The following KIAA0586 variants were observed in gnomAD, a reference collection of about 807,000 sequenced individuals.
KIAA0586 encodes KIAA0586.
In KIAA0586, 144 loss-of-function variants were observed where a neutral mutation model predicts 169.8. The observed-to-expected ratio is 0.85, with a 90% CI of 0.74 to 0.97. KIAA0586 has a LOEUF of 0.97. KIAA0586 is among the 50% of genes least tolerant of loss of function. The pLI, the probability that KIAA0586 is intolerant of heterozygous loss-of-function variation, is 0.00. For synonymous variants in KIAA0586, 625 were observed against 612.4 expected, an observed-to-expected ratio of 1.02 and a Z score of -0.30; for missense variants, 1,854 against 1,823.0, an observed-to-expected ratio of 1.02 and a Z score of -0.31.
intron 4 of KIAA0586, among the ~76,000 whole-genome samples, chr14:58,436,843 G>A (rs1273521708): frequency 6.6e-6 from 1 of 152,206 alleles, no homozygotes; most frequent in Non-Finnish European, 1.5e-5. Context: ...AGCCTTAGAG[G>A]AATGAAGAAT....
intron 10 of KIAA0586, among the ~76,000 whole-genome samples, chr14:58,457,211 C>T (rs1310999860): frequency 6.6e-6 from 1 of 152,198 alleles, no homozygotes; most frequent in Admixed American, 6.5e-5. Flanking sequence ...GGTCGCTGGA[C>T]TGCTTAGCAC....
intron 6 of KIAA0586, among the ~76,000 whole-genome samples, chr14:58,447,776 G>A (rs973208709): frequency 4.6e-5 from 7 of 152,128 alleles, no homozygotes; most frequent in Admixed American, 1.3e-4. Context: ...CCACTGCACC[G>A]GGCCCCATTT....
chr14:58,528,091 T>TA (rs1273250650), intron 29 of KIAA0586, among the ~76,000 whole-genome samples: 2 of 151,656 alleles, frequency 1.3e-5, no homozygotes, highest in Admixed American at 6.6e-5. Flanking sequence ...CCAACAAAGA[T>TA]AAAAAAAGAC....
chr14:58,512,529 T>C lies in KIAA0586; in HGVS notation c.4331T>C (p.Leu1444Pro). The C allele has an allele frequency of 6.6e-7, 1 of 1,516,934 alleles. No individual in the cohort carries two copies. The highest frequency in any genetic ancestry group is 2.5e-5 in the East Asian group (1 of 39,348). 94.0% of individuals were successfully genotyped at this position (1,516,934 alleles called of 1,614,324 possible). Residue 1444 changes from leucine (L) to proline (P), a missense_variant, in exon 29 of 31, where the codon CTA becomes CCA. Physicochemically the swap from Leu to Pro is moderately conservative, Grantham distance 98. Transcript: ENST00000652326. Reference protein sequence around the residue: ...VAAEDFSQYQLKQNQDVKQVE... With the variant: ...VAAEDFSQYQPKQNQDVKQVE... Reference sequence around the variant, plus strand: ...ATATCTTAAATTATTTAGTACCAACTAAAGCAAAATCAGGATGTTAAGCAA... The same window carrying C: ...ATATCTTAAATTATTTAGTACCAACCAAAGCAAAATCAGGATGTTAAGCAA...
intron 6 of KIAA0586, among the ~76,000 whole-genome samples, chr14:58,445,490 G>A (rs1310388871): frequency 6.7e-6 from 1 of 149,948 alleles, no homozygotes; most frequent in Non-Finnish European, 1.5e-5. Context: ...CTGGAGTGCA[G>A]TGGTGTGTTT....
At chr14:58,544,354 G>GACTGATTTATATTCCTCTGGGTA (rs2046852677) in intron 30 of KIAA0586, among the ~76,000 whole-genome samples, 2 of 152,128 alleles carry the variant, frequency 1.3e-5, no homozygotes, top group Admixed American at 6.5e-5. Flanking sequence ...CTTTATGGTA[G>GACTGATTTATATTCCTCTGGGTA]ACTGATTTAT....
chr14:58,503,811 A>C (rs1413132472), intron 27 of KIAA0586, among the ~76,000 whole-genome samples: 1 of 129,320 alleles, frequency 7.7e-6, no homozygotes, highest in African/African-American at 3.3e-5. Flanking sequence ...GGACAAAGGC[A>C]AAAAAAAAAA....
At chr14:58,448,541 T>C in intron 7 of KIAA0586, 48 bp downstream of exon 7, 2 of 1,403,652 alleles carry the variant, frequency 1.4e-6, no homozygotes, top group South Asian at 2.6e-5. Flanking sequence ...GCTGTGAATT[T>C]TCTTTGTGCT....
At chr14:58,434,741 C>A (rs1337322888) in intron 4 of KIAA0586, among the ~76,000 whole-genome samples, 1 of 152,100 alleles carries the variant, frequency 6.6e-6, no homozygotes, top group Non-Finnish European at 1.5e-5. Flanking sequence ...CAGCCACTGT[C>A]CTCTGCACTT....
chr14:58,509,436 G>A (rs1595431573), intron 28 of KIAA0586, among the ~76,000 whole-genome samples: 1 of 152,174 alleles, frequency 6.6e-6, no homozygotes. Flanking sequence ...AATGGCCCAT[G>A]CAATCTTGTG....
intron 27 of KIAA0586, among the ~76,000 whole-genome samples, chr14:58,502,386 C>T (rs987626796): frequency 1.3e-5 from 2 of 152,142 alleles, no homozygotes; most frequent in African/African-American, 2.4e-5. Context: ...GTGATCCACC[C>T]GCCACAGCCT....
In KIAA0586 at chr14:58,486,899, T is replaced by C. The variant is rs1743702; in HGVS notation, c.3145-108T>C. On this transcript the variant is annotated intron_variant, in intron 21 of 30. Transcript: ENST00000652326. ...GTTCAAGAGGTAGGGTACTTAACCC[T>C]GCCATCAATTTAAATTATATATAGT... The C allele has an allele frequency of 0.99, 802,419 of 807,150 alleles. 399,007 individuals carry two copies. Among genetic ancestry groups the C allele is most frequent in the East Asian group, 1 (32,958 of 32,960 alleles). The allele number at this position is 807,150 out of a possible 1,614,324, so 50.0% of individuals were successfully genotyped here. A position where few individuals can be genotyped will look rare whatever the true frequency, so the allele number is the denominator to read the frequency against.
Position 58,492,207 on chromosome 14 carries a change from G to T in KIAA0586, c.3922G>T (p.Ala1308Ser). ...RMSHKKFHAD[A>S]ILSFAKQNQE... is the part of the protein sequence containing the mutation. ...GTCCCATAAAAAATTTCATGCAGAT[G>T]CAATTCTTTCTTTTGCTAAACAAAA... The change falls in exon 26 of 31, where the codon GCA becomes TCA. Residue 1308 changes from alanine to serine, a missense_variant. By Grantham distance (99) the Ala-to-Ser change is moderately conservative. Transcript: ENST00000652326. The T allele has an allele frequency of 6.4e-7, 1 of 1,550,508 alleles. No homozygotes were observed. Among genetic ancestry groups the T allele is most frequent in the Non-Finnish European group, 8.7e-7 (1 of 1,146,288 alleles).
rs117022152 is a variant in KIAA0586 at position 58,430,865 on chromosome 14, C to G, written c.340+148C>G. The G allele has an allele frequency of 1.5e-4, 82 of 563,650 alleles. 1 individual carries two copies. The East Asian group carries it at 2.5e-3, about 17-fold the overall frequency. 34.9% of individuals were successfully genotyped at this position (563,650 alleles called of 1,614,324 possible). Reference sequence around the variant, plus strand: ...CCTTTCATATCCAGAGCTTTGTCATCTCTCCCAACTCTACCCATTAAACAC... The same window carrying G: ...CCTTTCATATCCAGAGCTTTGTCATGTCTCCCAACTCTACCCATTAAACAC... On this transcript the variant is annotated intron_variant, in intron 3 of 30. Coordinates refer to ENST00000652326, the MANE Select transcript of KIAA0586 (RefSeq NM_001329943.3).
At chr14:58,450,549 G>A (rs2039281647) in intron 7 of KIAA0586, 30 bp from the exon 8 acceptor site, 1 of 1,386,750 alleles carries the variant, frequency 7.2e-7, no homozygotes, top group Non-Finnish European at 1.0e-6. Context: ...TTAAAAGCAA[G>A]TTAAGTTTTT....
At chr14:58,540,866 A>G (rs748191413) in intron 30 of KIAA0586, among the ~76,000 whole-genome samples, 1 of 152,222 alleles carries the variant, frequency 6.6e-6, no homozygotes, top group East Asian at 1.9e-4. Flanking sequence ...TTCTTCATCA[A>G]GTCTTTCATT....
At chr14:58,505,800 A>G (rs1272661826) in intron 27 of KIAA0586, among the ~76,000 whole-genome samples, 2 of 151,992 alleles carry the variant, frequency 1.3e-5, no homozygotes, top group Non-Finnish European at 2.9e-5. Flanking sequence ...AGCTGTTTCT[A>G]TAGTTTAGAT....
At chr14:58,525,204 A>C (rs2045493609) in intron 29 of KIAA0586, among the ~76,000 whole-genome samples, 1 of 152,088 alleles carries the variant, frequency 6.6e-6, no homozygotes, top group Non-Finnish European at 1.5e-5. Flanking sequence ...GTTTCAACAA[A>C]ATTGTTTCTC....
intron 14 of KIAA0586, among the ~76,000 whole-genome samples, chr14:58,465,475 AGTTGTAT>A (rs957847990): frequency 1.6e-4 from 24 of 152,164 alleles, no homozygotes; most frequent in African/African-American, 5.6e-4. Context: ...TAGCTGTACA[AGTTGTAT>A]GTCTATTCAG....
Sources: allele counts gnomAD v4.1 joint callset (sites outside exome capture counted in the v4.1 genomes callset), GRCh38; gene constraint gnomAD v4.1.1; transcripts MANE v1.5; gene names NCBI Gene and HGNC (gene_info 2026-07-23, HGNC 2026-07-21).